NID2: variants seen among roughly 807,000 people sequenced by gnomAD.
NID2 encodes the protein nidogen 2.
Under a neutral mutation model 145.4 loss-of-function variants are expected in NID2, and 83 were observed. The ratio of observed to expected loss-of-function variants is 0.57; its 90% confidence interval spans 0.48 to 0.69. The LOEUF is 0.69. Among genes scored for constraint, NID2 ranks in the 30% least tolerant of loss-of-function variants. The probability of loss-of-function intolerance (pLI) is 0.00; values close to 1 mark genes in which losing one functional copy is unlikely to be tolerated. For synonymous variants in NID2, 739 were observed against 701.3 expected (o/e 1.05, Z -0.85); for missense variants, 1,807 against 1,765.7 (o/e 1.02, Z -0.42).
In NID2 at chr14:52,068,774, T is replaced by G. The variant is rs745493385; in HGVS notation, c.221A>C (p.Asn74Thr). 3 of 1,602,748 alleles carry G rather than the reference T, an allele frequency of 1.9e-6. No homozygotes were observed. Among genetic ancestry groups the G allele is most frequent in the Non-Finnish European group, 2.5e-6 (3 of 1,178,992 alleles). The change falls in exon 1 of 22, where the codon AAC (asparagine) becomes ACC (threonine). Residue 74 changes from asparagine (N) to threonine (T), a missense_variant. Asn to Thr is a moderately conservative substitution (Grantham distance 65). Transcript: ENST00000216286. Reference protein sequence around the residue: ...PLHFYEARFSNLYVGTNGIIS... With the variant: ...PLHFYEARFSTLYVGTNGIIS... ...GGAGGGGGCTGAACTTACGTAGAGG[T>G]TGCTGAATCGGGCTTCGTAGAAGTG...
At chr14:52,049,173 C>T (rs796445700) in intron 5 of NID2, among the ~76,000 whole-genome samples, 1 of 150,288 alleles carries the variant, frequency 6.7e-6, no homozygotes, top group Non-Finnish European at 1.5e-5. Context: ...TTTTAAATCT[C>T]TTTTTTTTCT....
rs539563724 is a variant in NID2 at position 52,027,351 on chromosome 14, A to G, written c.2531-7T>C. On this transcript the variant is annotated splice_polypyrimidine_tract_variant and splice_region_variant and intron_variant, in intron 11 of 21. Coordinates refer to ENST00000216286, the MANE Select transcript of NID2 (RefSeq NM_007361.4). ...TTGGCAGGTGGGGTGATCACTGAAAAGAGAAGAAGATAAGGGCATCCAGAG... is the reference window on the plus strand; with the variant it reads ...TTGGCAGGTGGGGTGATCACTGAAAGGAGAAGAAGATAAGGGCATCCAGAG... The G allele has an allele frequency of 4.5e-6, 7 of 1,539,732 alleles. No homozygotes were observed. Among genetic ancestry groups the G allele is most frequent in the Non-Finnish European group, 5.2e-6 (6 of 1,144,956 alleles).
At chr14:52,030,485 G>GAAAGAAAGA (rs1555363669) in intron 9 of NID2, among the ~76,000 whole-genome samples, 1 of 89,740 alleles carries the variant, frequency 1.1e-5, no homozygotes, top group Non-Finnish European at 2.3e-5. Flanking sequence ...AGAAAGAAAA[G>GAAAGAAAGA]AAAGAAAGAA....
intron 18 of NID2, chr14:52,009,099 AGAG>A (rs1890909622): frequency 6.6e-6 from 1 of 152,216 alleles, no homozygotes; most frequent in South Asian, 2.1e-4. Flanking sequence ...AACCTCAGTG[AGAG>A]GAGAGGAAGA....
chr14:52,048,940 G>A (rs1892596745), intron 5 of NID2, among the ~76,000 whole-genome samples: 2 of 152,154 alleles, frequency 1.3e-5, no homozygotes, highest in African/African-American at 4.8e-5. Context: ...AGGTGGATGA[G>A]TGCCCACACT....
intron 2 of NID2, among the ~76,000 whole-genome samples, chr14:52,066,677 C>G (rs533325315): frequency 6.6e-6 from 1 of 152,218 alleles, no homozygotes; most frequent in Non-Finnish European, 1.5e-5. Context: ...CATGGGCAAG[C>G]AACCTCACCT....
At chr14:52,068,223 C>T (rs1241625441) in intron 1 of NID2, 60 bp from the exon 2 acceptor site, 2 of 1,511,706 alleles carry the variant, frequency 1.3e-6, no homozygotes, top group African/African-American at 2.7e-5. Context: ...GCTACCCTTT[C>T]GCGCAGGGAG....
chr14:52,041,270 T>C (rs1276517680), intron 7 of NID2, among the ~76,000 whole-genome samples: 2 of 152,198 alleles, frequency 1.3e-5, no homozygotes, highest in Non-Finnish European at 2.9e-5. Flanking sequence ...ATGTGGGTAA[T>C]ACTTATACTA....
intron 3 of NID2, among the ~76,000 whole-genome samples, chr14:52,058,085 T>C (rs1892914399): frequency 6.6e-6 from 1 of 152,234 alleles, no homozygotes; most frequent in Non-Finnish European, 1.5e-5. Flanking sequence ...ATGTTTATTA[T>C]GCTGTTTACT....
chr14:52,049,765 G>A (rs933308003), intron 5 of NID2, among the ~76,000 whole-genome samples: 2 of 152,120 alleles, frequency 1.3e-5, no homozygotes, highest in Non-Finnish European at 2.9e-5. Context: ...CAGTGATCAC[G>A]ACCCTGGGGG....
At chr14:52,027,114 T>C in intron 12 of NID2, 87 bp downstream of exon 12, 1 of 1,312,178 alleles carries the variant, frequency 7.6e-7, no homozygotes, top group African/African-American at 1.5e-5. Context: ...AGGAAGTCCT[T>C]TGTCTTTTCT....
intron 15 of NID2, 71 bp from the exon 16 acceptor site, chr14:52,014,527 T>C: frequency 2.0e-6 from 3 of 1,471,266 alleles, no homozygotes; most frequent in Non-Finnish European, 2.8e-6. Flanking sequence ...AAAAGTTACT[T>C]TACCACATAC....
At chr14:52,010,599 C>G (rs1890975478) in intron 18 of NID2, 3 of 300,702 alleles carry the variant, frequency 1.0e-5, no homozygotes, top group Non-Finnish European at 1.9e-5. Flanking sequence ...CTAGTTCTCA[C>G]AACACTATCT....
At position 52,007,816 on chromosome 14, in the gene NID2, C is replaced by A; in HGVS notation, c.3874G>T (p.Asp1292Tyr). The A allele has an allele frequency of 6.2e-7, 1 of 1,613,574 alleles. No homozygotes were observed. The highest frequency in any genetic ancestry group is 8.5e-7 in the Non-Finnish European group (1 of 1,179,710). The change falls in exon 19 of 22, where the codon GAT becomes TAT. Residue 1292 changes from aspartate (D) to tyrosine (Y), a missense_variant. Coordinates refer to ENST00000216286, the MANE Select transcript of NID2 (RefSeq NM_007361.4). ...DPFSKLLCWA[D>Y]AGTKKLECTL... ...ATTCCATCAGTAGTATTACCTGCAT[C>A]TGCCCAGCAGAGCAGTTTAGAGAAA...
rs147947854 is a variant in NID2 at position 52,060,262 on chromosome 14, C to T, written c.629G>A (p.Arg210His). Residue 210 changes from arginine (R) to histidine (H), a missense_variant, in exon 3 of 22, where the codon CGC becomes CAC. Physicochemically the swap from Arg to His is conservative, Grantham distance 29. Coordinates refer to ENST00000216286, the MANE Select transcript of NID2 (RefSeq NM_007361.4). Reference sequence around the variant, plus strand: ...CTGGACATTGTAAGACTCTTTGGGGCGGGTTCCAAGGAACTGCAGGCCGTT... The same window carrying T: ...CTGGACATTGTAAGACTCTTTGGGGTGGGTTCCAAGGAACTGCAGGCCGTT... ...PANGLQFLGT[R>H]PKESYNVQLQ... 70 of 1,611,428 alleles carry T rather than the reference C, an allele frequency of 4.3e-5. No individual in the cohort carries two copies. The highest frequency in any genetic ancestry group is 5.4e-5 in the African/African-American group (4 of 74,058).
At chr14:52,046,185 T>C (rs965998373) in intron 5 of NID2, among the ~76,000 whole-genome samples, 2 of 151,500 alleles carry the variant, frequency 1.3e-5, no homozygotes, top group African/African-American at 2.4e-5. Flanking sequence ...TAGCCAGGCG[T>C]GGTGGTGGGC....
chr14:52,044,538 G>A (rs1892415194), intron 5 of NID2, among the ~76,000 whole-genome samples: 1 of 151,974 alleles, frequency 6.6e-6, no homozygotes, highest in Non-Finnish European at 1.5e-5. Context: ...CCAAAGTGCT[G>A]GGATAACAGG....
chr14:52,063,407 C>T, intron 2 of NID2, among the ~76,000 whole-genome samples: 1 of 152,202 alleles, frequency 6.6e-6, no homozygotes, highest in East Asian at 1.9e-4. Context: ...AGCCAGAGCC[C>T]TCTGCAGAAA....
chr14:52,052,110 C>G (rs568324871), intron 5 of NID2, among the ~76,000 whole-genome samples: 40 of 152,318 alleles, frequency 2.6e-4, no homozygotes, highest in African/African-American at 7.5e-4. Context: ...CCTCAAATCC[C>G]TTTGTGAAAA....
Sources: allele counts gnomAD v4.1 joint callset (sites outside exome capture counted in the v4.1 genomes callset), GRCh38; gene constraint gnomAD v4.1.1; transcripts MANE v1.5; gene names NCBI Gene and HGNC (gene_info 2026-07-23, HGNC 2026-07-21).